The following SORCS2 variants were observed in gnomAD, a reference collection of about 807,000 sequenced individuals.
SORCS2 encodes the protein VPS10 domain-containing receptor SorCS2.
Under a neutral mutation model 141.6 loss-of-function variants are expected in SORCS2, and 100 were observed. That is an observed-to-expected ratio of 0.71 (90% CI 0.60 to 0.83). The LOEUF (loss-of-function observed/expected upper bound fraction) is 0.83. Ranked by LOEUF, SORCS2 falls within the 40% of genes least tolerant of loss-of-function variation. SORCS2 has a pLI of 0.00. For synonymous variants in SORCS2, 789 were observed against 676.9 expected, an observed-to-expected ratio of 1.17 and a Z score of -2.57; for missense variants, 1,646 against 1,560.2, an observed-to-expected ratio of 1.05 and a Z score of -0.93.
intron 2 of SORCS2, among the ~76,000 whole-genome samples, chr4:7,471,842 T>G (rs537375362): frequency 1.3e-5 from 2 of 152,336 alleles, no homozygotes; most frequent in South Asian, 4.1e-4. Context: ...TCACCCACAG[T>G]GGGGCAGCCC....
At chr4:7,266,356 G>A (rs1714729410) in intron 1 of SORCS2, among the ~76,000 whole-genome samples, 1 of 152,220 alleles carries the variant, frequency 6.6e-6, no homozygotes, top group Non-Finnish European at 1.5e-5. Flanking sequence ...TGTTTCGGGA[G>A]CAGCTGTGAA....
intron 2 of SORCS2, among the ~76,000 whole-genome samples, chr4:7,484,006 C>T (rs1294793323): frequency 3.9e-5 from 6 of 152,236 alleles, no homozygotes; most frequent in East Asian, 3.8e-4. Context: ...AAAGCCCAGG[C>T]TCTCCTGTAT....
chr4:7,358,101 C>T (rs79270646), intron 1 of SORCS2, among the ~76,000 whole-genome samples: 4,624 of 152,244 alleles, frequency 0.03, 78 homozygotes, highest in Middle Eastern at 0.054. Flanking sequence ...CTCATGGATG[C>T]GGAATCTGTT....
At chr4:7,709,188 G>C (rs1485246231) in intron 14 of SORCS2, among the ~76,000 whole-genome samples, 1 of 152,242 alleles carries the variant, frequency 6.6e-6, no homozygotes, top group Non-Finnish European at 1.5e-5. Flanking sequence ...AACCCGCAGA[G>C]CCGCGGGGGG....
intron 1 of SORCS2, among the ~76,000 whole-genome samples, chr4:7,258,062 A>C (rs13138233): frequency 0.038 from 5,816 of 152,308 alleles, 161 homozygotes; most frequent in South Asian, 0.074. Context: ...GGTGGCTTCC[A>C]GCAGGGGCGG....
At chr4:7,324,119 C>G (rs890855680) in intron 1 of SORCS2, among the ~76,000 whole-genome samples, 2 of 152,212 alleles carry the variant, frequency 1.3e-5, no homozygotes, top group Non-Finnish European at 2.9e-5. Context: ...GGTGGCGGGG[C>G]TGGGATTCAA....
At chr4:7,525,698 C>T (rs946928496) in intron 2 of SORCS2, among the ~76,000 whole-genome samples, 1 of 151,870 alleles carries the variant, frequency 6.6e-6, no homozygotes, top group Non-Finnish European at 1.5e-5. Flanking sequence ...CTGTCCCCAC[C>T]TCAGTCACTT....
chr4:7,725,089 A>G, intron 19 of SORCS2, 65 bp from the exon 20 acceptor site: 1 of 1,546,326 alleles, frequency 6.5e-7, no homozygotes, highest in Non-Finnish European at 8.7e-7. Context: ...AGTGATCACT[A>G]AGCAGCCTCT....
At chr4:7,637,649 C>G (rs962346608) in intron 3 of SORCS2, among the ~76,000 whole-genome samples, 4 of 152,148 alleles carry the variant, frequency 2.6e-5, no homozygotes, top group Admixed American at 2.0e-4. Flanking sequence ...GCTGCCATTT[C>G]TGCAGCACCC....
chr4:7,568,054 C>A (rs921470612), intron 3 of SORCS2, among the ~76,000 whole-genome samples: 1 of 152,152 alleles, frequency 6.6e-6, no homozygotes, highest in African/African-American at 2.4e-5. Flanking sequence ...TATTTCCTAC[C>A]CAGTCCAAGC....
At chr4:7,340,304 T>G (rs73208500) in intron 1 of SORCS2, among the ~76,000 whole-genome samples, 29,049 of 152,076 alleles carry the variant, frequency 0.19, 2,886 homozygotes, top group Non-Finnish European at 0.21. Flanking sequence ...TTGCACACAG[T>G]GGGGCAGGGA....
chr4:7,590,497 T>A (rs1716844654), intron 3 of SORCS2, among the ~76,000 whole-genome samples: 1 of 152,198 alleles, frequency 6.6e-6, no homozygotes, highest in Non-Finnish European at 1.5e-5. Context: ...GAGAGTGGAC[T>A]TCTCCCCTCG....
intron 3 of SORCS2, among the ~76,000 whole-genome samples, chr4:7,623,995 T>G (rs1350564800): frequency 6.6e-6 from 1 of 152,186 alleles, no homozygotes; most frequent in African/African-American, 2.4e-5. Flanking sequence ...GGGACTCACT[T>G]GCTTGGGGCC....
At chr4:7,360,877 G>A (rs1185506693) in intron 1 of SORCS2, among the ~76,000 whole-genome samples, 1 of 151,174 alleles carries the variant, frequency 6.6e-6, no homozygotes, top group Non-Finnish European at 1.5e-5. Context: ...TGCCCGGCCC[G>A]CCCAGTCCCT....
chr4:7,646,127 C>T (rs528234459), intron 4 of SORCS2, among the ~76,000 whole-genome samples: 4 of 152,376 alleles, frequency 2.6e-5, no homozygotes, highest in African/African-American at 7.2e-5. Context: ...TGTGTGCCCC[C>T]GGGCTGTGAG....
chr4:7,313,397 C>T (rs1344003448), intron 1 of SORCS2, among the ~76,000 whole-genome samples: 1 of 152,154 alleles, frequency 6.6e-6, no homozygotes, highest in East Asian at 1.9e-4. Context: ...AAGACAGGCC[C>T]AGAAGAGGGG....
chr4:7,221,831 A>G (rs1300220860), intron 1 of SORCS2, among the ~76,000 whole-genome samples: 1 of 152,178 alleles, frequency 6.6e-6, no homozygotes, highest in Non-Finnish European at 1.5e-5. Flanking sequence ...TTAAGCATAT[A>G]TTTAAGGAGT....
chr4:7,337,532 G>A (rs1300417960), intron 1 of SORCS2, among the ~76,000 whole-genome samples: 5 of 152,120 alleles, frequency 3.3e-5, no homozygotes, highest in Non-Finnish European at 7.4e-5. Context: ...CGGAGACCTG[G>A]CTTGTTGGAG....
At chr4:7,516,659 T>C (rs934329785) in intron 2 of SORCS2, among the ~76,000 whole-genome samples, 1 of 151,750 alleles carries the variant, frequency 6.6e-6, no homozygotes, top group African/African-American at 2.4e-5. Context: ...AGTCTGGGAG[T>C]GTGGGGAGAG....
Sources: allele counts gnomAD v4.1 joint callset (sites outside exome capture counted in the v4.1 genomes callset), GRCh38; gene constraint gnomAD v4.1.1; transcripts MANE v1.5; gene names NCBI Gene and HGNC (gene_info 2026-07-23, HGNC 2026-07-21).